Variants in CATSPERE observed in about 807,000 individuals in gnomAD.
CATSPERE encodes the protein catsper channel auxiliary subunit epsilon.
A neutral mutation model predicts 114.1 loss-of-function variants in CATSPERE; 93 were observed. The observed-to-expected ratio is 0.81, with a 90% CI of 0.69 to 0.97. CATSPERE has a LOEUF of 0.97. Among genes scored for constraint, CATSPERE ranks in the 50% least tolerant of loss-of-function variants. The pLI is 0.00. For missense variants in CATSPERE, 1,058 were observed against 1,131.6 expected, an observed-to-expected ratio of 0.93 and a Z score of 0.93; for synonymous variants, 341 against 384.1, an observed-to-expected ratio of 0.89 and a Z score of 1.31.
chr1:244,499,857 C>G (rs930573055), intron 7 of CATSPERE, among the ~76,000 whole-genome samples: 1 of 152,068 alleles, frequency 6.6e-6, no homozygotes, highest in African/African-American at 2.4e-5. Context: ...GGGTTATATA[C>G]CCACTAATGG....
At chr1:244,517,359 A>T (rs1264980616) in intron 7 of CATSPERE, among the ~76,000 whole-genome samples, 2 of 151,922 alleles carry the variant, frequency 1.3e-5, no homozygotes, top group African/African-American at 4.8e-5. Flanking sequence ...CTCTTTCCTC[A>T]GCAGTTATAC....
chr1:244,588,841 G>C (rs570750555), intron 14 of CATSPERE, among the ~76,000 whole-genome samples: 1 of 151,880 alleles, frequency 6.6e-6, no homozygotes, highest in African/African-American at 2.4e-5. Flanking sequence ...TTCAGTCTAC[G>C]GCTCATTCCC....
chr1:244,612,328 C>T (rs1028998841), intron 19 of CATSPERE, among the ~76,000 whole-genome samples: 1 of 152,110 alleles, frequency 6.6e-6, no homozygotes, highest in Non-Finnish European at 1.5e-5. Flanking sequence ...AAATAGAAAG[C>T]CTTCCAGTTC....
rs140070365 is a variant in CATSPERE at position 244,604,511 on chromosome 1, C to T, written c.2304-1184C>T. On this transcript the variant is annotated intron_variant, in intron 17 of 21. Coordinates refer to ENST00000366534, the MANE Select transcript of CATSPERE (RefSeq NM_001130957.2). ...AGATGGGGCAGTGAGTCAGGAGACACTGTCAAGGACCTGTTATTTTGTCTG... is the reference window on the plus strand; with the variant it reads ...AGATGGGGCAGTGAGTCAGGAGACATTGTCAAGGACCTGTTATTTTGTCTG... Among the ~76,000 whole-genome samples, 378 of 152,324 alleles carry T rather than the reference C, an allele frequency of 2.5e-3. 5 individuals carry two copies. Among genetic ancestry groups the T allele is most frequent in the East Asian group, 0.014 (71 of 5,184 alleles).
intron 2 of CATSPERE, among the ~76,000 whole-genome samples, chr1:244,471,441 C>T (rs1668460342): frequency 6.6e-6 from 1 of 152,064 alleles, no homozygotes. Context: ...GTTTGATGAC[C>T]TTTGGCAATG....
At chr1:244,483,018 G>A (rs574543739) in intron 5 of CATSPERE, among the ~76,000 whole-genome samples, 71 of 152,150 alleles carry the variant, frequency 4.7e-4, no homozygotes, top group Non-Finnish European at 9.1e-4. Context: ...AGAATCTTTA[G>A]TTCCTTCATT....
At chr1:244,464,005 A>G (rs745897916) in intron 2 of CATSPERE, 49 bp downstream of exon 2, 21 of 1,336,316 alleles carry the variant, frequency 1.6e-5, no homozygotes, top group Non-Finnish European at 1.8e-5. Flanking sequence ...AAATTTTTTG[A>G]ACTTTAGAGC....
At chr1:244,491,229 A>C (rs1310296801) in intron 6 of CATSPERE, among the ~76,000 whole-genome samples, 1 of 152,174 alleles carries the variant, frequency 6.6e-6, no homozygotes, top group East Asian at 1.9e-4. Flanking sequence ...AAAGAACAGA[A>C]ATTATAACAA....
At chr1:244,491,101 G>C (rs1341110449) in intron 6 of CATSPERE, among the ~76,000 whole-genome samples, 4 of 152,018 alleles carry the variant, frequency 2.6e-5, no homozygotes, top group Admixed American at 2.6e-4. Flanking sequence ...GGACCTAATA[G>C]ACATCTACAG....
rs563390168 is a variant in CATSPERE at position 244,461,275 on chromosome 1, A to G, written c.-155A>G. 2 of 563,026 alleles carry G rather than the reference A, an allele frequency of 3.6e-6. No individual in the cohort carries two copies. The highest frequency in any genetic ancestry group is 5.3e-6 in the Non-Finnish European group (2 of 377,052). The allele number at this position is 563,026 out of a possible 1,614,324, so 34.9% of individuals were successfully genotyped here. On this transcript the variant is annotated 5_prime_UTR_variant, in exon 1 of 22. Coordinates refer to ENST00000366534, the MANE Select transcript of CATSPERE (RefSeq NM_001130957.2). ...TAGCGGCGCGCACGCGCACGCGCACACTTCTCCCTCGCTGGTCTTCAGGCC... is the reference window on the plus strand; with the variant it reads ...TAGCGGCGCGCACGCGCACGCGCACGCTTCTCCCTCGCTGGTCTTCAGGCC...
chr1:244,586,247 G>A (rs1382497107), intron 13 of CATSPERE, among the ~76,000 whole-genome samples: 2 of 152,150 alleles, frequency 1.3e-5, no homozygotes, highest in African/African-American at 4.8e-5. Context: ...TCCACCTACA[G>A]GTTAACTCAT....
At chr1:244,553,260 A>G (rs559156962) in intron 9 of CATSPERE, among the ~76,000 whole-genome samples, 28 of 152,134 alleles carry the variant, frequency 1.8e-4, no homozygotes, top group Non-Finnish European at 3.2e-4. Context: ...TTACTTTGAA[A>G]TGTTAAAAAT....
At chr1:244,478,907 A>G (rs976995841) in intron 4 of CATSPERE, among the ~76,000 whole-genome samples, 2 of 151,262 alleles carry the variant, frequency 1.3e-5, no homozygotes, top group African/African-American at 4.9e-5. Context: ...AGGCACCTGT[A>G]ATCCCAGCTA....
chr1:244,482,775 G>A (rs1177928346), intron 5 of CATSPERE, among the ~76,000 whole-genome samples: 1 of 152,052 alleles, frequency 6.6e-6, no homozygotes, highest in East Asian at 1.9e-4. Context: ...CCCTGCAAGA[G>A]TTAGACACTA....
At chr1:244,596,531 T>A (rs1407787943) in intron 17 of CATSPERE, among the ~76,000 whole-genome samples, 2 of 151,724 alleles carry the variant, frequency 1.3e-5, no homozygotes, top group African/African-American at 4.8e-5. Flanking sequence ...GAAAAACAGA[T>A]GACTGAAATA....
rs112602349 is a variant in CATSPERE at position 244,556,924 on chromosome 1, A to AT, written c.1030-3734dup. ...ATTTTATTAATTACAGCATAAAAGAATTTTTTTTTTACATGTGGATATCCT... is the reference window on the plus strand; with the variant it reads ...ATTTTATTAATTACAGCATAAAAGAATTTTTTTTTTTACATGTGGATATCCT... On this transcript the variant is annotated intron_variant, in intron 9 of 21. Transcript: ENST00000366534. 6.6e-4 allele frequency among the ~76,000 whole-genome samples: 99 copies of AT among 150,836 alleles called. 1 individual carries two copies. Among genetic ancestry groups the AT allele is most frequent in the Admixed American group, 1.6e-3 (24 of 15,124 alleles).
chr1:244,579,414 A>T (rs531521595), intron 11 of CATSPERE, among the ~76,000 whole-genome samples: 1 of 152,354 alleles, frequency 6.6e-6, no homozygotes, highest in East Asian at 1.9e-4. Context: ...GATAAAATAG[A>T]CTAGTATCCA....
Position 244,461,308 on chromosome 1 carries a change from C to T in CATSPERE, c.-122C>T. 1 of 829,626 alleles carries T rather than the reference C, an allele frequency of 1.2e-6. No individual in the cohort carries two copies. Among genetic ancestry groups the T allele is most frequent in the Non-Finnish European group, 1.6e-6 (1 of 613,792 alleles). The allele number at this position is 829,626 out of a possible 1,614,324, so 51.4% of individuals were successfully genotyped here. On this transcript the variant is annotated 5_prime_UTR_variant, in exon 1 of 22. Transcript: ENST00000366534. Reference sequence around the variant, plus strand: ...CTCGCTGGTCTTCAGGCCCGGCCCGCCCTGTCCAGAGGCGCCGGGACCCAG... The same window carrying T: ...CTCGCTGGTCTTCAGGCCCGGCCCGTCCTGTCCAGAGGCGCCGGGACCCAG...
intron 13 of CATSPERE, among the ~76,000 whole-genome samples, chr1:244,585,181 C>T (rs1196202807): frequency 6.6e-6 from 1 of 152,150 alleles, no homozygotes; most frequent in Admixed American, 6.5e-5. Flanking sequence ...CTTGGGTAGG[C>T]TACTTACTCT....
Sources: gnomAD v4.1 joint callset for allele counts (sites outside exome capture counted in the v4.1 genomes callset) on GRCh38, gnomAD v4.1.1 for gene constraint, MANE v1.5 for transcripts, NCBI Gene and HGNC (gene_info 2026-07-23, HGNC 2026-07-21) for gene names.